Variants in TANC2 observed in about 807,000 individuals in gnomAD.
The protein encoded by TANC2 is tetratricopeptide repeat, ankyrin repeat and coiled-coil containing 2, also known as protein TANC2.
A neutral mutation model predicts 210.5 loss-of-function variants in TANC2; 26 were observed. That is an observed-to-expected ratio of 0.12 (90% CI 0.09 to 0.17). TANC2 has a LOEUF of 0.17. Among genes scored for constraint, TANC2 ranks in the 10% least tolerant of loss-of-function variants. The probability of loss-of-function intolerance (pLI) is 1.00; values close to 1 mark genes in which losing one functional copy is unlikely to be tolerated. For synonymous variants in TANC2, 931 were observed against 967.1 expected (o/e 0.96, Z 0.69); for missense variants, 2,129 against 2,608.9 (o/e 0.82, Z 4.01).
intron 1 of TANC2, among the ~76,000 whole-genome samples, chr17:62,998,270 A>G (rs2033209690): frequency 6.6e-6 from 1 of 152,230 alleles, no homozygotes; most frequent in Non-Finnish European, 1.5e-5. Context: ...GGGGTTGTGT[A>G]AAGAGATCAA....
chr17:63,171,372 C>T (rs1302436416), intron 5 of TANC2, among the ~76,000 whole-genome samples: 2 of 152,046 alleles, frequency 1.3e-5, no homozygotes, highest in Non-Finnish European at 1.5e-5. Context: ...CATGAGCCAC[C>T]GCACCCAGCC....
chr17:63,064,939 CTAT>C (rs2036142812), intron 2 of TANC2, among the ~76,000 whole-genome samples: 2 of 151,734 alleles, frequency 1.3e-5, no homozygotes, highest in Admixed American at 6.6e-5. Context: ...ATGCAGTGCA[CTAT>C]TATTTACTAT....
intron 5 of TANC2, chr17:63,154,831 A>G (rs916546192): frequency 6.6e-6 from 1 of 152,100 alleles, no homozygotes; most frequent in African/African-American, 2.4e-5. Flanking sequence ...GGTCTGGAAC[A>G]TGTCACTTAA....
intron 11 of TANC2, chr17:63,331,854 GTC>G (rs749476420): frequency 0.011 from 1,617 of 142,076 alleles, 14 homozygotes; most frequent in Middle Eastern, 0.015. Context: ...GTGTGTGTGT[GTC>G]TGTGTGTGTG....
Position 63,392,138 on chromosome 17 carries a change from A to G in TANC2, c.3051+2594A>G, listed in dbSNP as rs1442864431. Among the ~76,000 whole-genome samples the G allele has an allele frequency of 5.9e-5, 9 of 152,290 alleles. No homozygotes were observed. The South Asian group carries it at 1.7e-3, about 28-fold the overall frequency. On this transcript the variant is annotated intron_variant, in intron 17 of 27. Coordinates refer to ENST00000689528, the Ensembl canonical transcript of TANC2. ...TCTTCCTTCCGTCCTCATACTCGCC[A>G]TGGCTTCAGCATTAAAGTCATAGGC...
chr17:63,068,118 A>T (rs901703709), intron 2 of TANC2, among the ~76,000 whole-genome samples: 2 of 152,176 alleles, frequency 1.3e-5, no homozygotes, highest in African/African-American at 4.8e-5. Context: ...ATGACTGTAG[A>T]TTTCTCATCA....
intron 2 of TANC2, among the ~76,000 whole-genome samples, chr17:63,021,170 G>A (rs115675415): frequency 0.028 from 4,301 of 152,114 alleles, 78 homozygotes; most frequent in South Asian, 0.037. Flanking sequence ...TTTTTATTGC[G>A]CTCTGAATAA....
rs946728479 is a variant in TANC2, at chr17:63,418,605, G to T, written c.4268+198G>T. The stretch of plus-strand genomic sequence containing the variant: ...AAATCTGCTGGGCTGTGGAGGCCAC[G>T]AATGTTTCACTTCGGGAGAAAAACA... On this transcript the variant is annotated intron_variant, in intron 27 of 27. Coordinates refer to ENST00000689528, the Ensembl canonical transcript of TANC2. The surrounding 1 kb of genome is among the most constrained non-coding windows in gnomAD (Gnocchi z 4.6). Among the ~76,000 whole-genome samples, 1 of 152,196 alleles carries T rather than the reference G, an allele frequency of 6.6e-6. No homozygotes were observed. Among genetic ancestry groups the T allele is most frequent in the Admixed American group, 6.5e-5 (1 of 15,280 alleles).
Position 63,342,775 on chromosome 17 carries a change from CA to C in TANC2, c.1807+2453del, listed in dbSNP as rs965473333. ...TGGGCGACAGAGTGAGACTCCGTCT[CA>C]AAAAAAAAAGAAAAGAAGGCTATCC... On this transcript the variant is annotated intron_variant, in intron 12 of 27. Transcript: ENST00000689528. Among the ~76,000 whole-genome samples the C allele has an allele frequency of 4.7e-5, 7 of 149,756 alleles. No homozygotes were observed. In the South Asian group the frequency reaches 8.4e-4, roughly 18 times the overall value.
At chr17:63,359,392 A>G (rs924401519) in intron 14 of TANC2, among the ~76,000 whole-genome samples, 51 of 149,742 alleles carry the variant, frequency 3.4e-4, no homozygotes, top group African/African-American at 1.2e-3. Flanking sequence ...CACCCAGGCT[A>G]GAGTGCAGTG....
chr17:63,301,074 T>C (rs2044697508), intron 9 of TANC2, among the ~76,000 whole-genome samples: 1 of 152,188 alleles, frequency 6.6e-6, no homozygotes, highest in African/African-American at 2.4e-5. Context: ...ATGTGATAGA[T>C]TATGTTTATT....
intron 6 of TANC2, among the ~76,000 whole-genome samples, chr17:63,194,951 T>C (rs2041295676): frequency 6.6e-6 from 1 of 152,206 alleles, no homozygotes; most frequent in Admixed American, 6.5e-5. Flanking sequence ...CGTGAATGTC[T>C]GATAGTGAAG....
chr17:63,274,032 T>A (rs998655438), intron 9 of TANC2, among the ~76,000 whole-genome samples: 2 of 152,202 alleles, frequency 1.3e-5, no homozygotes, highest in Non-Finnish European at 1.5e-5. Context: ...GTTTGAGAGC[T>A]GGTTACATGT....
At chr17:63,263,184 T>G (rs887748385) in intron 8 of TANC2, among the ~76,000 whole-genome samples, 24 of 152,266 alleles carry the variant, frequency 1.6e-4, no homozygotes, top group African/African-American at 5.5e-4. Context: ...TTAACGTTAT[T>G]AAATGTAAAA....
In TANC2 at chr17:63,074,065, T is replaced by G; in HGVS notation, c.139+51T>G. ...AAATTTCAAAAAATAACGATAGATA[T>G]TTCTTTCTAGTACTTAATTTGGAGA... On this transcript the variant is annotated intron_variant, in intron 3 of 27. Transcript: ENST00000689528. The G allele has an allele frequency of 2.1e-6, 3 of 1,460,460 alleles. No homozygotes were observed. The South Asian group carries it at 3.7e-5, about 18-fold the overall frequency. 90.5% of individuals were successfully genotyped at this position (1,460,460 alleles called of 1,614,324 possible).
At chr17:63,282,828 T>C (rs1262601015) in intron 9 of TANC2, among the ~76,000 whole-genome samples, 1 of 152,080 alleles carries the variant, frequency 6.6e-6, no homozygotes, top group Non-Finnish European at 1.5e-5. Flanking sequence ...AACATCCTCT[T>C]TAAGTTGTGA....
intron 9 of TANC2, among the ~76,000 whole-genome samples, chr17:63,281,905 G>A (rs749280060): frequency 1.2e-4 from 19 of 152,062 alleles, no homozygotes; most frequent in East Asian, 3.8e-4. Flanking sequence ...AGGAGCTACC[G>A]AAAACTAGGA....
exon 11 of TANC2, chr17:63,319,006 C>T: frequency 6.2e-7 from 1 of 1,613,652 alleles, no homozygotes; most frequent in South Asian, 1.1e-5. Flanking sequence ...CTTCAGCCCA[C>T]TCATCTATCA....
At chr17:63,419,910 C>G (rs2048971445) in intron 27 of TANC2, 89 bp from the exon 28 acceptor site, 2 of 1,418,542 alleles carry the variant, frequency 1.4e-6, no homozygotes, top group East Asian at 5.0e-5. Context: ...CACCACAGCT[C>G]TCTGAGATAG....
Sources: gnomAD v4.1 joint callset for allele counts (sites outside exome capture counted in the v4.1 genomes callset) on GRCh38, gnomAD v4.1.1 for gene constraint, Gnocchi (gnomAD v3.1) non-coding constraint, MANE v1.5 for transcripts, NCBI Gene and HGNC (gene_info 2026-07-23, HGNC 2026-07-21) for gene names.